The following GAS7 variants were observed in gnomAD, a reference collection of about 807,000 sequenced individuals.
GAS7 encodes the protein growth arrest-specific protein 7.
In GAS7, 28 loss-of-function variants were observed where a neutral mutation model predicts 71.1. The ratio of observed to expected loss-of-function variants is 0.39; its 90% confidence interval spans 0.29 to 0.54. The LOEUF is 0.54. GAS7 is among the 20% of genes least tolerant of loss of function. The probability of loss-of-function intolerance (pLI) is 0.62; values close to 1 mark genes in which losing one functional copy is unlikely to be tolerated. For missense variants in GAS7, 436 were observed against 627.8 expected (o/e 0.69, Z 3.27); for synonymous variants, 258 against 245.8 (o/e 1.05, Z -0.46).
chr17:10,005,184 TATGTGCACGCATGC>T (rs1567880268), intron 2 of GAS7, among the ~76,000 whole-genome samples: 90 of 133,620 alleles, frequency 6.7e-4, no homozygotes, highest in African/African-American at 2.1e-3. Context: ...CATGTATGTG[TATGTGCACGCATGC>T]ATGTGTGTGC....
chr17:9,959,225 G>A lies in GAS7; in HGVS notation c.502C>T (p.Gln168Ter). The A allele has an allele frequency of 6.2e-7, 1 of 1,614,166 alleles. No homozygotes were observed. The highest frequency in any genetic ancestry group is 8.5e-7 in the Non-Finnish European group (1 of 1,180,004). The change falls in exon 5 of 14, where the codon CAG (glutamine) becomes TAG (stop). Residue 168 changes from glutamine to a stop codon, truncating the protein, a stop_gained. Coordinates refer to ENST00000432992, the MANE Select transcript of GAS7 (RefSeq NM_201433.2). LOFTEE classifies it high-confidence loss of function. The surrounding 1 kb of genome is among the most constrained non-coding windows in gnomAD (Gnocchi z 5.0). ...ACTGTGATGGTGTTTTCCTTGCTCTGCTTTTTGCTTGGCGATGAGGATCCC... is the reference window on the plus strand; with the variant it reads ...ACTGTGATGGTGTTTTCCTTGCTCTACTTTTTGCTTGGCGATGAGGATCCC... ...NLGSSSPSKK[Q>*]SKENTITINC... is the part of the protein sequence containing the mutation.
At chr17:10,197,849 C>A (rs987207514) in intron 1 of GAS7, among the ~76,000 whole-genome samples, 1 of 152,224 alleles carries the variant, frequency 6.6e-6, no homozygotes, top group African/African-American at 2.4e-5. Context: ...ATCCTCCGTG[C>A]CTCTTCCCAA....
chr17:10,110,053 CA>C (rs956917519), intron 1 of GAS7, among the ~76,000 whole-genome samples: 2,013 of 73,504 alleles, frequency 0.027, 17 homozygotes, highest in African/African-American at 0.056. Context: ...GGCTCCGTCT[CA>C]AAAAAAAAAA....
chr17:10,159,494 T>TA (rs2074234590), intron 1 of GAS7, among the ~76,000 whole-genome samples: 1 of 152,058 alleles, frequency 6.6e-6, no homozygotes, highest in Non-Finnish European at 1.5e-5. Context: ...CCACCCATAA[T>TA]ATAGGTGAAT....
intron 1 of GAS7, among the ~76,000 whole-genome samples, chr17:10,123,705 G>A (rs1395175849): frequency 3.9e-5 from 6 of 152,156 alleles, no homozygotes; most frequent in African/African-American, 1.4e-4. Context: ...CCCAACAAAC[G>A]TGGGCTCCAT....
chr17:9,910,887 G>A lies in GAS7; in HGVS notation c.*6341C>T, dbSNP rs1360508592. The A allele has an allele frequency of 4.4e-6, 1 of 229,612 alleles. No homozygotes were observed. Among genetic ancestry groups the A allele is most frequent in the Non-Finnish European group, 8.7e-6 (1 of 115,602 alleles). The allele number at this position is 229,612 out of a possible 1,614,324, so 14.2% of individuals were successfully genotyped here. On this transcript the variant is annotated 3_prime_UTR_variant, in exon 14 of 14. Transcript: ENST00000432992. Reference sequence around the variant, plus strand: ...ATGTGGAGGAAACACATTCATACCGGGGTGAGGAGTGCTGGCGGGAGACAC... The same window carrying A: ...ATGTGGAGGAAACACATTCATACCGAGGTGAGGAGTGCTGGCGGGAGACAC...
chr17:9,961,220 A>G (rs1426813768), intron 4 of GAS7, among the ~76,000 whole-genome samples: 1 of 152,204 alleles, frequency 6.6e-6, no homozygotes, highest in East Asian at 1.9e-4. Flanking sequence ...TACAGCTTCC[A>G]TAGACATTTT....
chr17:10,048,642 A>T (rs1451004822), intron 1 of GAS7, among the ~76,000 whole-genome samples: 1 of 152,150 alleles, frequency 6.6e-6, no homozygotes, highest in Non-Finnish European at 1.5e-5. Flanking sequence ...GCAAATGTGA[A>T]TTTTTACCCA....
chr17:10,117,637 C>T (rs1036972278), intron 1 of GAS7, among the ~76,000 whole-genome samples: 7 of 152,078 alleles, frequency 4.6e-5, no homozygotes, highest in Non-Finnish European at 8.8e-5. Flanking sequence ...GTAGGGCTTC[C>T]GCGTCTTCAC....
At chr17:10,070,341 C>CTTTT (rs71365713) in intron 1 of GAS7, among the ~76,000 whole-genome samples, 6 of 106,128 alleles carry the variant, frequency 5.7e-5, no homozygotes, top group South Asian at 3.2e-4. Context: ...TCTCTCTCTT[C>CTTTT]TTTTTTTTTT....
intron 1 of GAS7, among the ~76,000 whole-genome samples, chr17:10,115,246 T>C (rs567953418): frequency 2.0e-5 from 3 of 152,218 alleles, no homozygotes; most frequent in East Asian, 1.9e-4. Flanking sequence ...AAGAGCTGAG[T>C]GAGTCACCAG....
At chr17:10,161,410 T>C (rs937449230) in intron 1 of GAS7, among the ~76,000 whole-genome samples, 1 of 152,182 alleles carries the variant, frequency 6.6e-6, no homozygotes, top group Admixed American at 6.5e-5. Context: ...ACTGCATCTG[T>C]GGTTCCCCAA....
At chr17:10,161,632 T>C (rs1471271452) in intron 1 of GAS7, among the ~76,000 whole-genome samples, 2 of 152,226 alleles carry the variant, frequency 1.3e-5, no homozygotes, top group African/African-American at 4.8e-5. Flanking sequence ...ACAGTTAATC[T>C]TGACAGATCT....
At position 9,981,794 on chromosome 17, in the gene GAS7, C is replaced by T. The variant is rs187546392; in HGVS notation, c.385+10G>A. The T allele has an allele frequency of 3.7e-5, 56 of 1,510,290 alleles. No homozygotes were observed. Among genetic ancestry groups the T allele is most frequent in the Non-Finnish European group, 4.5e-5 (49 of 1,085,398 alleles). The allele number at this position is 1,510,290 out of a possible 1,614,324, so 93.6% of individuals were successfully genotyped here. ...CTCCCAGTTGCCCCAAAGCAGACAG[C>T]GGACATTACCTGTTGGAGGCAGAGA... On this transcript the variant is annotated intron_variant, in intron 3 of 13. Coordinates refer to ENST00000432992, the MANE Select transcript of GAS7 (RefSeq NM_201433.2). This position sits in a 1 kb window ranked among gnomAD's most constrained non-coding sequence, Gnocchi z 4.4.
chr17:9,957,131 A>G (rs3786100), intron 5 of GAS7, among the ~76,000 whole-genome samples: 71,353 of 151,666 alleles, frequency 0.47, 17,748 homozygotes, highest in Non-Finnish European at 0.56. Flanking sequence ...TGGCAAAAAA[A>G]TTCTCCAAGG....
chr17:10,086,810 A>ATTAC (rs1316824093), intron 1 of GAS7, among the ~76,000 whole-genome samples: 1 of 152,156 alleles, frequency 6.6e-6, no homozygotes. Flanking sequence ...TGGAAGAGAC[A>ATTAC]TTACTTAGCC....
intron 1 of GAS7, among the ~76,000 whole-genome samples, chr17:10,142,557 C>T (rs1015116246): frequency 7.0e-4 from 107 of 152,164 alleles, no homozygotes; most frequent in African/African-American, 2.6e-3. Flanking sequence ...TTAGTAGAGA[C>T]GGGGTTTCAC....
At chr17:10,163,103 A>AG (rs1187768808) in intron 1 of GAS7, among the ~76,000 whole-genome samples, 21 of 152,186 alleles carry the variant, frequency 1.4e-4, no homozygotes, top group African/African-American at 4.3e-4. Context: ...GTCTCTACAA[A>AG]GAAAAAAAAA....
Position 10,060,359 on chromosome 17 carries a change from G to A in GAS7, c.184-40462C>T, listed in dbSNP as rs571763150. 1.2e-4 allele frequency among the ~76,000 whole-genome samples: 18 copies of A among 152,276 alleles called. No individual in the cohort carries two copies. The South Asian group carries it at 3.5e-3, about 30-fold the overall frequency. On this transcript the variant is annotated intron_variant, in intron 1 of 13. Coordinates refer to ENST00000432992, the MANE Select transcript of GAS7 (RefSeq NM_201433.2). Reference sequence around the variant, plus strand: ...AGTGGGAGGAGGGAGCAGCAGCGCAGGGTCTTCAACCTCATGACTCCGGGA... The same window carrying A: ...AGTGGGAGGAGGGAGCAGCAGCGCAAGGTCTTCAACCTCATGACTCCGGGA...
Sources: gnomAD v4.1 joint callset for allele counts (sites outside exome capture counted in the v4.1 genomes callset) on GRCh38, gnomAD v4.1.1 for gene constraint, Gnocchi (gnomAD v3.1) non-coding constraint, MANE v1.5 for transcripts, NCBI Gene and HGNC (gene_info 2026-07-23, HGNC 2026-07-21) for gene names.